The following RAB40B variants were observed in gnomAD, a reference collection of about 807,000 sequenced individuals.
RAB40B encodes ras-related protein Rab-40B.
RAB40B carries 21 observed loss-of-function variants against 24.0 expected under a neutral mutation model. That is an observed-to-expected ratio of 0.88 (90% CI 0.62 to 1.26). The LOEUF is 1.26. Among genes scored for constraint, RAB40B ranks in the 50% most tolerant of loss-of-function variants. The pLI, the probability that RAB40B is intolerant of heterozygous loss-of-function variation, is 0.00. For missense variants in RAB40B, 348 were observed against 390.5 expected, an observed-to-expected ratio of 0.89 and a Z score of 0.92; for synonymous variants, 167 against 169.8, an observed-to-expected ratio of 0.98 and a Z score of 0.13.
In RAB40B at chr17:82,675,920, G is replaced by A. The variant is rs192429827; in HGVS notation, c.143-11364C>T. Among the ~76,000 whole-genome samples, 9 of 152,184 alleles carry A rather than the reference G, an allele frequency of 5.9e-5. 1 individual carries two copies. Among genetic ancestry groups the A allele is most frequent in the Admixed American group, 5.9e-4 (9 of 15,284 alleles). ...CTGCTACGTGGGTCCTTCTCACCAG[G>A]GGGGAGAGGTGGCAACAGTGACGAC... On this transcript the variant is annotated intron_variant, in intron 1 of 5. Coordinates refer to ENST00000571995, the MANE Select transcript of RAB40B (RefSeq NM_006822.3). This position sits in a 1 kb window ranked among gnomAD's most constrained non-coding sequence, Gnocchi z 4.5.
chr17:82,670,895 G>A (rs1224795471), intron 1 of RAB40B, among the ~76,000 whole-genome samples: 1 of 151,978 alleles, frequency 6.6e-6, no homozygotes, highest in Non-Finnish European at 1.5e-5. Flanking sequence ...TGTTTTCATG[G>A]AGTCATGGAT....
At chr17:82,662,408 C>T in intron 2 of RAB40B, 1 of 985,464 alleles carries the variant, frequency 1.0e-6, no homozygotes, top group Non-Finnish European at 1.2e-6. Flanking sequence ...CAGAGTGCCC[C>T]ATCGTGAAGT....
Position 82,694,969 on chromosome 17 carries a change from T to A in RAB40B, c.142+3486A>T, listed in dbSNP as rs553529440. On this transcript the variant is annotated intron_variant, in intron 1 of 5. Transcript: ENST00000571995. ...TAGGTGATTAAGAGGGACAGCACAA[T>A]GAACAGAGACATAAATGGTAAAAGG... Among the ~76,000 whole-genome samples, 48 of 151,804 alleles carry A rather than the reference T, an allele frequency of 3.2e-4. 1 individual carries two copies. Among genetic ancestry groups the A allele is most frequent in the African/African-American group, 1.1e-3 (45 of 41,146 alleles).
intron 1 of RAB40B, among the ~76,000 whole-genome samples, chr17:82,684,408 A>G (rs1241328968): frequency 1.3e-5 from 2 of 152,198 alleles, no homozygotes; most frequent in Non-Finnish European, 2.9e-5. Context: ...TTCATTTATC[A>G]TATGACCTAG....
rs1265655355 is a variant in RAB40B, at chr17:82,658,624, G to A, written c.432C>T (p.Tyr144=). 5 of 1,613,162 alleles carry A rather than the reference G, an allele frequency of 3.1e-6. No homozygotes were observed. Among genetic ancestry groups the A allele is most frequent in the African/African-American group, 2.7e-5 (2 of 74,858 alleles). The change falls in exon 5 of 6, where the codon TAC becomes TAT. Residue 144 remains tyrosine, a synonymous_variant. Transcript: ENST00000571995. ...AGAAGGTCACGCCCAGGCGCTCGGC[G>A]TAGGCCTGGGCCTGCTCCGTGGGCA... ...RQVPTEQAQA[Y]AERLGVTFFE...
At chr17:82,662,563 G>T in intron 2 of RAB40B, 1 of 985,354 alleles carries the variant, frequency 1.0e-6, no homozygotes. Context: ...AGACCCAGTT[G>T]TGGGCACCAG....
rs113101651 is a variant in RAB40B at position 82,677,736 on chromosome 17, C to T, written c.143-13180G>A. On this transcript the variant is annotated intron_variant, in intron 1 of 5. Transcript: ENST00000571995. ...CTACACAGAGCCCGCATCCTCTTTG[C>T]GCAGGACACTTGAAGTCTGCTGGAA... Among the ~76,000 whole-genome samples, 194 of 152,328 alleles carry T rather than the reference C, an allele frequency of 1.3e-3. 3 individuals are homozygous for T. In the Middle Eastern group the frequency reaches 0.017, roughly 13 times the overall value.
chr17:82,669,659 A>G (rs2046307531), intron 1 of RAB40B, among the ~76,000 whole-genome samples: 1 of 152,142 alleles, frequency 6.6e-6, no homozygotes, highest in African/African-American at 2.4e-5. Flanking sequence ...TCTCTAAAAA[A>G]AAATGTAAAA....
chr17:82,688,130 A>G (rs188740559), intron 1 of RAB40B, among the ~76,000 whole-genome samples: 221 of 152,160 alleles, frequency 1.5e-3, no homozygotes, highest in African/African-American at 5.2e-3. Flanking sequence ...CCATCAGTCC[A>G]TCCTTCTCTC....
chr17:82,696,398 A>G (rs558655809), intron 1 of RAB40B: 1 of 152,862 alleles, frequency 6.5e-6, no homozygotes, highest in South Asian at 2.0e-4. Flanking sequence ...CCTTCAATCA[A>G]ACTCAACACT....
At chr17:82,684,245 T>C (rs1598313284) in intron 1 of RAB40B, among the ~76,000 whole-genome samples, 1 of 135,698 alleles carries the variant, frequency 7.4e-6, no homozygotes, top group South Asian at 2.3e-4. Context: ...AAAATTACAA[T>C]GAGATACCAC....
At position 82,664,558 on chromosome 17, in the gene RAB40B, T is replaced by C. The variant is rs151089734; in HGVS notation, c.143-2A>G. 4.3e-6 allele frequency: 7 copies of C among 1,613,466 alleles called. No homozygotes were observed. Among genetic ancestry groups the C allele is most frequent in the African/African-American group, 1.3e-5 (1 of 74,998 alleles). On this transcript the variant is annotated splice_acceptor_variant, in intron 1 of 5. Transcript: ENST00000571995. LOFTEE classifies it high-confidence loss of function. ...TGGTGGTCGTCTTGTAGTCGATGCC[T>C]GCGGAAGGGTTAGAGACGGCTTAGG...
intron 1 of RAB40B, among the ~76,000 whole-genome samples, chr17:82,695,420 G>A (rs1416461827): frequency 6.6e-6 from 1 of 151,182 alleles, no homozygotes; most frequent in East Asian, 1.9e-4. Flanking sequence ...TCAAACTCCT[G>A]ACCTCATGAC....
intron 1 of RAB40B, among the ~76,000 whole-genome samples, chr17:82,689,713 A>G (rs2046536304): frequency 6.6e-6 from 1 of 152,208 alleles, no homozygotes. Context: ...TCACACCTGT[A>G]ATCCCAGCAC....
chr17:82,674,648 A>AAAAAG (rs1215199420), intron 1 of RAB40B, among the ~76,000 whole-genome samples: 116 of 151,636 alleles, frequency 7.6e-4, no homozygotes, highest in African/African-American at 2.0e-3. Context: ...AAAAAAAAAA[A>AAAAAG]AAAAGAAAAG....
Position 82,686,403 on chromosome 17 carries a change from C to G in RAB40B, c.142+12052G>C, listed in dbSNP as rs139391141. ...ATGGGATTATAGGCATGAGCCACCG[C>G]GCCCGGCCAAGGGTCTTTTCAGATG... is the stretch of plus-strand genomic sequence containing the variant. On this transcript the variant is annotated intron_variant, in intron 1 of 5. Coordinates refer to ENST00000571995, the MANE Select transcript of RAB40B (RefSeq NM_006822.3). 8.9e-3 allele frequency among the ~76,000 whole-genome samples: 1,356 copies of G among 152,320 alleles called. 20 individuals carry two copies. Among genetic ancestry groups the G allele is most frequent in the African/African-American group, 0.031 (1,307 of 41,564 alleles).
intron 2 of RAB40B, among the ~76,000 whole-genome samples, chr17:82,664,245 C>A (rs1473391196): frequency 9.3e-5 from 13 of 139,510 alleles, no homozygotes; most frequent in Non-Finnish European, 2.0e-4. Context: ...GAGCTTGCTC[C>A]CTGGGGTGCT....
At chr17:82,669,715 C>T (rs1024159329) in intron 1 of RAB40B, among the ~76,000 whole-genome samples, 2 of 152,150 alleles carry the variant, frequency 1.3e-5, no homozygotes, top group African/African-American at 4.8e-5. Context: ...GATAGTTCTA[C>T]TAGCCCCAGC....
intron 1 of RAB40B, among the ~76,000 whole-genome samples, chr17:82,680,978 G>T (rs187712158): frequency 1.6e-5 from 2 of 127,126 alleles, no homozygotes; most frequent in African/African-American, 6.1e-5. Flanking sequence ...CTGAGATTGC[G>T]CCATTGCACT....
Sources: allele counts gnomAD v4.1 joint callset (sites outside exome capture counted in the v4.1 genomes callset), GRCh38; gene constraint gnomAD v4.1.1; non-coding constraint Gnocchi (gnomAD v3.1); transcripts MANE v1.5; gene names NCBI Gene and HGNC (gene_info 2026-07-23, HGNC 2026-07-21).